The following KCNN3 variants were observed in gnomAD, a reference collection of about 807,000 sequenced individuals.
The protein encoded by KCNN3 is small conductance calcium-activated potassium channel protein 3.
A neutral mutation model predicts 62.9 loss-of-function variants in KCNN3; 16 were observed. The ratio of observed to expected loss-of-function variants is 0.25; its 90% confidence interval spans 0.17 to 0.39. The LOEUF (loss-of-function observed/expected upper bound fraction) is 0.39. Among genes scored for constraint, KCNN3 ranks in the 10% least tolerant of loss-of-function variants. The pLI is 1.00. For synonymous variants in KCNN3, 370 were observed against 389.2 expected, an observed-to-expected ratio of 0.95 and a Z score of 0.58; for missense variants, 599 against 949.4, an observed-to-expected ratio of 0.63 and a Z score of 4.85.
chr1:154,827,149 C>A (rs1455777462), intron 1 of KCNN3, among the ~76,000 whole-genome samples: 2 of 152,230 alleles, frequency 1.3e-5, no homozygotes, highest in African/African-American at 4.8e-5. Flanking sequence ...ATTTAGAAAT[C>A]TTTTCTATCT....
intron 3 of KCNN3, among the ~76,000 whole-genome samples, chr1:154,737,539 A>G (rs1700737673): frequency 6.6e-6 from 1 of 152,188 alleles, no homozygotes; most frequent in African/African-American, 2.4e-5. Context: ...AAACCAGTCA[A>G]CTAAACAAAC....
At chr1:154,783,041 T>C (rs929623620) in intron 2 of KCNN3, among the ~76,000 whole-genome samples, 14 of 151,952 alleles carry the variant, frequency 9.2e-5, no homozygotes, top group Non-Finnish European at 1.6e-4. Context: ...TGAAACCCCA[T>C]CTCTACTAAA....
intron 1 of KCNN3, among the ~76,000 whole-genome samples, chr1:154,822,640 C>T (rs759091816): frequency 3.3e-5 from 5 of 152,218 alleles, no homozygotes; most frequent in Admixed American, 6.5e-5. Flanking sequence ...CAGAGGATTT[C>T]GGAGGCAGAA....
chr1:154,858,615 A>G (rs529652159), intron 1 of KCNN3, among the ~76,000 whole-genome samples: 1 of 152,336 alleles, frequency 6.6e-6, no homozygotes, highest in East Asian at 1.9e-4. Context: ...TGTTCAGGAT[A>G]TGTTTCCAGA....
At chr1:154,716,718 T>C (rs1262618321) in intron 5 of KCNN3, among the ~76,000 whole-genome samples, 1 of 152,384 alleles carries the variant, frequency 6.6e-6, no homozygotes, top group East Asian at 1.9e-4. Context: ...CCACCTCTAG[T>C]ACTTTCTTGC....
intron 1 of KCNN3, among the ~76,000 whole-genome samples, chr1:154,864,704 T>G (rs1353644256): frequency 6.6e-6 from 1 of 151,942 alleles, no homozygotes; most frequent in Non-Finnish European, 1.5e-5. Context: ...TCACACCAAC[T>G]CCTCTCTGCC....
chr1:154,728,582 G>T (rs1007249140), intron 4 of KCNN3, among the ~76,000 whole-genome samples: 1 of 151,950 alleles, frequency 6.6e-6, no homozygotes, highest in African/African-American at 2.4e-5. Context: ...GGTGCGGGGC[G>T]GGAAAATGAA....
At chr1:154,821,765 G>GCATC (rs1247051023) in intron 2 of KCNN3, among the ~76,000 whole-genome samples, 1 of 152,206 alleles carries the variant, frequency 6.6e-6, no homozygotes, top group Non-Finnish European at 1.5e-5. Flanking sequence ...GCAGAGCAAT[G>GCATC]CATCAGGGGC....
intron 4 of KCNN3, among the ~76,000 whole-genome samples, chr1:154,730,741 G>A (rs1700574277): frequency 6.6e-6 from 1 of 152,276 alleles, no homozygotes; most frequent in South Asian, 2.1e-4. Context: ...AAAGGCCTGG[G>A]CTGTATTTTT....
rs115939125 is a variant in KCNN3, at chr1:154,750,411, G to A, written c.1449-17267C>T. On this transcript the variant is annotated intron_variant, in intron 3 of 7. Transcript: ENST00000271915. ...AATCCTTTTCTCTGCCTCTTGAACT[G>A]AGAGATTCTTACTTAAGGAAAGGAA... 6.4e-3 allele frequency among the ~76,000 whole-genome samples: 968 copies of A among 152,362 alleles called. 11 individuals carry two copies. The highest frequency in any genetic ancestry group is 0.023 in the African/African-American group (938 of 41,586).
At chr1:154,796,732 T>C (rs1028826035) in intron 2 of KCNN3, among the ~76,000 whole-genome samples, 3 of 152,214 alleles carry the variant, frequency 2.0e-5, no homozygotes, top group Non-Finnish European at 2.9e-5. Flanking sequence ...CACCGGTCGA[T>C]GTGCACAGCG....
At chr1:154,854,490 CT>C (rs1652436502) in intron 1 of KCNN3, among the ~76,000 whole-genome samples, 1 of 152,156 alleles carries the variant, frequency 6.6e-6, no homozygotes, top group Non-Finnish European at 1.5e-5. Context: ...GGAAGAGGCT[CT>C]TCATAACACT....
chr1:154,776,629 C>T (rs1374969931), intron 2 of KCNN3, among the ~76,000 whole-genome samples: 1 of 152,202 alleles, frequency 6.6e-6, no homozygotes, highest in Non-Finnish European at 1.5e-5. Flanking sequence ...TCGCTCCCTC[C>T]CGATTCAGAG....
intron 2 of KCNN3, among the ~76,000 whole-genome samples, chr1:154,807,526 C>A (rs981286760): frequency 6.6e-6 from 1 of 152,176 alleles, no homozygotes; most frequent in Non-Finnish European, 1.5e-5. Context: ...CGGTTTCCAG[C>A]CACCCCACCA....
chr1:154,785,090 G>A (rs997371113), intron 2 of KCNN3, among the ~76,000 whole-genome samples: 3 of 152,208 alleles, frequency 2.0e-5, no homozygotes, highest in Admixed American at 1.3e-4. Flanking sequence ...CTGTGCATCT[G>A]CTAAGTCTGG....
chr1:154,870,279 A>T lies in KCNN3; in HGVS notation c.-315T>A, dbSNP rs1360514173. 3.8e-6 allele frequency: 2 copies of T among 521,976 alleles called. No homozygotes were observed. The highest frequency in any genetic ancestry group is 4.0e-5 in the East Asian group (1 of 25,210). The allele number at this position is 521,976 out of a possible 1,614,324, so 32.3% of individuals were successfully genotyped here. A position where few individuals can be genotyped will look rare whatever the true frequency, so the allele number is the denominator to read the frequency against. On this transcript the variant is annotated 5_prime_UTR_variant, in exon 1 of 8. Coordinates refer to ENST00000271915, the MANE Select transcript of KCNN3 (RefSeq NM_002249.6). Reference sequence around the variant, plus strand: ...GCTCAGCTTCACTCCTCGCTGGCTCAATAGCTTCGCTCGCCTCCTCCTGCC... The same window carrying T: ...GCTCAGCTTCACTCCTCGCTGGCTCTATAGCTTCGCTCGCCTCCTCCTGCC...
chr1:154,865,534 C>G (rs565751083), intron 1 of KCNN3, among the ~76,000 whole-genome samples: 1 of 152,282 alleles, frequency 6.6e-6, no homozygotes, highest in Non-Finnish European at 1.5e-5. Context: ...CAGGCTGATG[C>G]CTCCTAGCAG....
intron 2 of KCNN3, among the ~76,000 whole-genome samples, chr1:154,799,483 C>T (rs1380042210): frequency 2.0e-5 from 3 of 152,174 alleles, no homozygotes; most frequent in Non-Finnish European, 4.4e-5. Context: ...GTCCAAAGAG[C>T]GTAGCCAGAG....
At chr1:154,716,324 G>A (rs1349770153) in intron 5 of KCNN3, among the ~76,000 whole-genome samples, 1 of 152,264 alleles carries the variant, frequency 6.6e-6, no homozygotes, top group African/African-American at 2.4e-5. Context: ...TGTCAGCCAT[G>A]CAGACTGGCA....
Sources: allele counts gnomAD v4.1 joint callset (sites outside exome capture counted in the v4.1 genomes callset), GRCh38; gene constraint gnomAD v4.1.1; transcripts MANE v1.5; gene names NCBI Gene and HGNC (gene_info 2026-07-23, HGNC 2026-07-21).